The following RANBP3L variants were observed in gnomAD, a reference collection of about 807,000 sequenced individuals.
RANBP3L encodes RAN binding protein 3 like, also known as ran-binding protein 3-like.
Under a neutral mutation model 67.2 loss-of-function variants are expected in RANBP3L, and 56 were observed. The observed-to-expected ratio is 0.83, with a 90% confidence interval of 0.67 to 1.04. The LOEUF (loss-of-function observed/expected upper bound fraction) is 1.04, where lower values mean the gene tolerates loss of function less well. Ranked by LOEUF, RANBP3L falls within the 50% of genes least tolerant of loss-of-function variation. The pLI is 0.00. For synonymous variants in RANBP3L, 164 were observed against 181.4 expected, an observed-to-expected ratio of 0.90 and a Z score of 0.77; for missense variants, 496 against 535.5, an observed-to-expected ratio of 0.93 and a Z score of 0.73.
chr5:36,257,334 T>G (rs1749055267), intron 9 of RANBP3L, 120 bp downstream of exon 9: 1 of 450,434 alleles, frequency 2.2e-6, no homozygotes, highest in Non-Finnish European at 3.8e-6. Context: ...ACTGGATTAT[T>G]GGTTTTTTAA....
chr5:36,270,030 G>T, intron 2 of RANBP3L, 40 bp from the exon 3 acceptor site: 3 of 1,577,786 alleles, frequency 1.9e-6, no homozygotes, highest in Non-Finnish European at 2.6e-6. Context: ...CTGAGTATTT[G>T]CCTTTGTATT....
chr5:36,277,656 A>ACAT (rs967170242), intron 1 of RANBP3L, among the ~76,000 whole-genome samples: 4 of 152,040 alleles, frequency 2.6e-5, no homozygotes, highest in African/African-American at 9.7e-5. Flanking sequence ...ACATACATAA[A>ACAT]CATAAACATG....
At chr5:36,289,525 T>C (rs1751559695) in intron 1 of RANBP3L, among the ~76,000 whole-genome samples, 1 of 152,182 alleles carries the variant, frequency 6.6e-6, no homozygotes, top group African/African-American at 2.4e-5. Context: ...TTCCAATTCA[T>C]GAATTTGGGA....
In RANBP3L at chr5:36,271,443, A is replaced by G. The variant is rs546134508; in HGVS notation, c.92-132T>C. The G allele has an allele frequency of 4.0e-4, 248 of 626,412 alleles. No individual in the cohort carries two copies. The African/African-American group carries it at 4.3e-3, about 11-fold the overall frequency. 38.8% of individuals were successfully genotyped at this position (626,412 alleles called of 1,614,324 possible). On this transcript the variant is annotated intron_variant, in intron 1 of 13. Coordinates refer to ENST00000296604, the MANE Select transcript of RANBP3L (RefSeq NM_145000.5). ...ATTTGGGTAAAAGCCAAGCTATTTTACATGAATACTATCAATTGCACATTT... is the reference window on the plus strand; with the variant it reads ...ATTTGGGTAAAAGCCAAGCTATTTTGCATGAATACTATCAATTGCACATTT...
At chr5:36,267,171 T>C (rs1749858148) in intron 4 of RANBP3L, among the ~76,000 whole-genome samples, 2 of 152,328 alleles carry the variant, frequency 1.3e-5, no homozygotes, top group South Asian at 4.1e-4. Context: ...TGCTCAGTCA[T>C]GCCTGCAATT....
rs987516873 is a variant in RANBP3L at position 36,263,636 on chromosome 5, A to G, written c.480+1323T>C. On this transcript the variant is annotated intron_variant, in intron 6 of 13. Coordinates refer to ENST00000296604, the MANE Select transcript of RANBP3L (RefSeq NM_145000.5). ...GCTGGTACCATCTCGGTTCACTGCA[A>G]CCTCCACTTCCCGGGTTCAAGCTAG... Among the ~76,000 whole-genome samples the G allele has an allele frequency of 5.3e-5, 8 of 151,902 alleles. 1 individual carries two copies. The highest frequency in any genetic ancestry group is 2.4e-5 in the African/African-American group (1 of 41,416).
In RANBP3L at chr5:36,268,073, G is replaced by A. The variant is rs1278434845; in HGVS notation, c.268+1317C>T. On this transcript the variant is annotated intron_variant, in intron 4 of 13. Transcript: ENST00000296604. The stretch of plus-strand genomic sequence containing the variant: ...ATTCTTCGATGCATACTTTGCTAAG[G>A]CCTCTGTTTATTTCTAAAGTGTCAG... 3 of 552,146 alleles carry A rather than the reference G, an allele frequency of 5.4e-6. No individual in the cohort carries two copies. The East Asian group carries it at 1.0e-4, about 18-fold the overall frequency. The allele number at this position is 552,146 out of a possible 1,614,324, so 34.2% of individuals were successfully genotyped here. A position where few individuals can be genotyped will look rare whatever the true frequency, so the allele number is the denominator to read the frequency against.
intron 6 of RANBP3L, among the ~76,000 whole-genome samples, chr5:36,263,520 C>T (rs906137641): frequency 2.0e-5 from 3 of 152,110 alleles, no homozygotes; most frequent in Admixed American, 6.6e-5. Context: ...ACATATTATA[C>T]TTTCTATTAC....
At position 36,248,984 on chromosome 5, in the gene RANBP3L, T is replaced by A. The variant is rs899086625; in HGVS notation, c.*670A>T. On this transcript the variant is annotated 3_prime_UTR_variant, in exon 14 of 14. Transcript: ENST00000296604. ...TTAACATATTTGGCTTTCTTACACA[T>A]GCTTTTTGATACATAGGTAATGTAT... 1 of 152,156 alleles carries A rather than the reference T, an allele frequency of 6.6e-6. No individual in the cohort carries two copies. Among genetic ancestry groups the A allele is most frequent in the African/African-American group, 2.4e-5 (1 of 41,466 alleles). The allele number at this position is 152,156 out of a possible 1,614,324, so 9.4% of individuals were successfully genotyped here. A position where few individuals can be genotyped will look rare whatever the true frequency, so the allele number is the denominator to read the frequency against.
chr5:36,284,535 T>G (rs1282044911), intron 1 of RANBP3L, among the ~76,000 whole-genome samples: 1 of 152,242 alleles, frequency 6.6e-6, no homozygotes, highest in Admixed American at 6.5e-5. Context: ...CAAAGTGAAT[T>G]ATAATAGTGA....
intron 1 of RANBP3L, among the ~76,000 whole-genome samples, chr5:36,287,085 G>T (rs34005569): frequency 0.56 from 85,448 of 151,852 alleles, 26,681 homozygotes; most frequent in Middle Eastern, 0.79. Flanking sequence ...AAACTGCCCC[G>T]CCTCAGATCA....
intron 1 of RANBP3L, among the ~76,000 whole-genome samples, chr5:36,291,546 C>T (rs1441205373): frequency 6.6e-6 from 1 of 152,070 alleles, no homozygotes; most frequent in Non-Finnish European, 1.5e-5. Context: ...CTATCCCTCC[C>T]CTCTGCCCCC....
chr5:36,290,900 T>C (rs1438073708), intron 1 of RANBP3L, among the ~76,000 whole-genome samples: 1 of 107,760 alleles, frequency 9.3e-6, no homozygotes, highest in African/African-American at 5.6e-5. Flanking sequence ...CCTGGCTAAT[T>C]TTTTTTTTTT....
chr5:36,262,719 C>A (rs1156273024), intron 6 of RANBP3L, among the ~76,000 whole-genome samples: 1 of 152,058 alleles, frequency 6.6e-6, no homozygotes, highest in African/African-American at 2.4e-5. Flanking sequence ...TATGTTTCCA[C>A]TTAAATTTTT....
At chr5:36,279,192 C>CA (rs1430282798) in intron 1 of RANBP3L, among the ~76,000 whole-genome samples, 2 of 152,120 alleles carry the variant, frequency 1.3e-5, no homozygotes, top group Admixed American at 1.3e-4. Flanking sequence ...ACAAAAAACC[C>CA]AACCTATGTT....
intron 4 of RANBP3L, 105 bp from the exon 5 acceptor site, chr5:36,265,625 A>G (rs902130095): frequency 1.4e-5 from 9 of 632,128 alleles, no homozygotes; most frequent in Admixed American, 2.9e-5. Context: ...AGATGTCGCA[A>G]TTGGCACTAA....
Position 36,251,497 on chromosome 5 carries a change from G to A in RANBP3L, c.1170C>T (p.Ala390=). 6.3e-7 allele frequency: 1 copy of A among 1,590,940 alleles called. No individual in the cohort carries two copies. The highest frequency in any genetic ancestry group is 8.6e-7 in the Non-Finnish European group (1 of 1,166,228). ...ACAAATATGCTGTATCTTGGGCACT[G>A]GCCTGCATGAGGAACATTAAATTGT... is the stretch of plus-strand genomic sequence containing the variant. ...DYSIKIFLIQ[A]SAQDTAYLYA... The change falls in exon 13 of 14, where the codon GCC becomes GCT. Residue 390 remains alanine, a splice_region_variant and synonymous_variant. Coordinates refer to ENST00000296604, the MANE Select transcript of RANBP3L (RefSeq NM_145000.5).
At chr5:36,261,849 A>G (rs1220306567) in intron 7 of RANBP3L, 90 bp downstream of exon 7, 4 of 665,998 alleles carry the variant, frequency 6.0e-6, no homozygotes, top group Non-Finnish European at 1.1e-5. Context: ...TTATCCGTAC[A>G]AGGTCAGAAA....
chr5:36,270,703 G>C (rs912386263), intron 2 of RANBP3L, among the ~76,000 whole-genome samples: 5 of 152,058 alleles, frequency 3.3e-5, no homozygotes, highest in Non-Finnish European at 7.4e-5. Context: ...TTGCTTTATT[G>C]ATCAGGCTGG....
Sources: allele counts gnomAD v4.1 joint callset (sites outside exome capture counted in the v4.1 genomes callset), GRCh38; gene constraint gnomAD v4.1.1; transcripts MANE v1.5; gene names NCBI Gene and HGNC (gene_info 2026-07-23, HGNC 2026-07-21).